The following ABCA5 variants were observed in gnomAD, a reference collection of about 807,000 sequenced individuals.
ABCA5 encodes the protein ATP binding cassette subfamily A member 5.
ABCA5 carries 163 observed loss-of-function variants against 206.0 expected under a neutral mutation model. The observed-to-expected ratio is 0.79, with a 90% CI of 0.70 to 0.90. The LOEUF is 0.90. Ranked by LOEUF, ABCA5 falls within the 40% of genes least tolerant of loss-of-function variation. The probability of loss-of-function intolerance (pLI) is 0.00; values close to 1 mark genes in which losing one functional copy is unlikely to be tolerated. For missense variants in ABCA5, 1,859 were observed against 1,912.9 expected (o/e 0.97, Z 0.53); for synonymous variants, 609 against 613.8 (o/e 0.99, Z 0.11).
intron 28 of ABCA5, among the ~76,000 whole-genome samples, chr17:69,256,622 A>G (rs2075085381): frequency 6.6e-6 from 1 of 150,906 alleles, no homozygotes. Flanking sequence ...TGCCCGGCTC[A>G]TTTTTGTATT....
Position 69,254,342 on chromosome 17 carries a change from G to T in ABCA5, c.4217C>A (p.Ala1406Glu). ...ACTTATGACTTCTTTCATGTCACTT[G>T]CACTCATTCCTTTGACAGCTCCATA... Reference protein sequence around the residue: ...EIYGAVKGMSASDMKEVISRI... With the variant: ...EIYGAVKGMSESDMKEVISRI... Residue 1406 changes from alanine to glutamate, a missense_variant, in exon 32 of 39, where the codon GCA (alanine) becomes GAA (glutamate). Coordinates refer to ENST00000392676, the MANE Select transcript of ABCA5 (RefSeq NM_172232.4). 1 of 1,612,548 alleles carries T rather than the reference G, an allele frequency of 6.2e-7. No homozygotes were observed.
chr17:69,289,395 A>C, intron 13 of ABCA5, 99 bp from the exon 14 acceptor site: 1 of 933,262 alleles, frequency 1.1e-6, no homozygotes, highest in Non-Finnish European at 1.4e-6. Context: ...AATGTGTTAG[A>C]TATTTAAGTA....
Position 69,309,490 on chromosome 17 carries a change from T to A in ABCA5, c.308-67A>T, listed in dbSNP as rs181809654. ...ATACCACAATACAGTAGATCAAGTTTACAATTATTTTGATGAATGGAATAT... is the reference window on the plus strand; with the variant it reads ...ATACCACAATACAGTAGATCAAGTTAACAATTATTTTGATGAATGGAATAT... On this transcript the variant is annotated intron_variant, in intron 3 of 38. Transcript: ENST00000392676. 95 of 1,126,882 alleles carry A rather than the reference T, an allele frequency of 8.4e-5. 1 individual carries two copies. The Middle Eastern group carries it at 9.4e-4, about 11-fold the overall frequency. The allele number at this position is 1,126,882 out of a possible 1,614,324, so 69.8% of individuals were successfully genotyped here.
rs768216806 is a variant in ABCA5, at chr17:69,274,128, C to G, written c.2595G>C (p.Val865=). 6.4e-7 allele frequency: 1 copy of G among 1,561,606 alleles called. No individual in the cohort carries two copies. The highest frequency in any genetic ancestry group is 1.2e-5 in the South Asian group (1 of 81,934). The change falls in exon 20 of 39, where the codon GTG becomes GTC. Residue 865 remains valine (V), a splice_region_variant and synonymous_variant. Transcript: ENST00000392676. ...TGAAAAAAATTAAAAGCAGAAGCAACCTGAAAAGAAAAAAAAAACAACACA... is the reference window on the plus strand; with the variant it reads ...TGAAAAAAATTAAAAGCAGAAGCAAGCTGAAAAGAAAAAAAAAACAACACA... The part of the protein sequence containing the change: ...LKRESKSVRS[V]LLLLLIFFTV...
intron 27 of ABCA5, 92 bp downstream of exon 27, chr17:69,260,246 G>A (rs1347639902): frequency 2.2e-6 from 2 of 929,232 alleles, no homozygotes; most frequent in East Asian, 2.7e-5. Context: ...TCTTTTTCAT[G>A]CAACAGGATA....
intron 11 of ABCA5, among the ~76,000 whole-genome samples, chr17:69,291,802 G>A (rs1304197743): frequency 6.6e-6 from 1 of 152,104 alleles, no homozygotes; most frequent in Non-Finnish European, 1.5e-5. Context: ...AAATGATGAA[G>A]CAGAAATGGC....
intron 18 of ABCA5, among the ~76,000 whole-genome samples, chr17:69,281,078 C>CA (rs2075387544): frequency 6.6e-6 from 1 of 150,838 alleles, no homozygotes; most frequent in African/African-American, 2.4e-5. Context: ...AAAATTCTAC[C>CA]AATTAAACCA....
chr17:69,316,414 T>C (rs374657130), intron 1 of ABCA5, among the ~76,000 whole-genome samples: 1 of 150,854 alleles, frequency 6.6e-6, no homozygotes, highest in African/African-American at 2.4e-5. Flanking sequence ...TTGAACCCAG[T>C]AGGAGGAGGT....
At chr17:69,253,985 A>G (rs2075046741) in intron 32 of ABCA5, 116 bp from the exon 33 acceptor site, 1 of 809,768 alleles carries the variant, frequency 1.2e-6, no homozygotes. Context: ...GAAGCTTATT[A>G]TAAGTAGGTA....
chr17:69,265,394 T>C (rs1387507254), intron 23 of ABCA5, among the ~76,000 whole-genome samples: 1 of 152,150 alleles, frequency 6.6e-6, no homozygotes, highest in Non-Finnish European at 1.5e-5. Context: ...GTGAAAGCTT[T>C]TGAAATGTTC....
chr17:69,312,279 G>A (rs1021592959), intron 3 of ABCA5, among the ~76,000 whole-genome samples: 6 of 152,144 alleles, frequency 3.9e-5, no homozygotes, highest in Admixed American at 1.3e-4. Flanking sequence ...ATTTCTTTGT[G>A]AGAAGTGCAC....
Position 69,287,718 on chromosome 17 carries a change from C to A in ABCA5, c.1936G>T (p.Asp646Tyr), listed in dbSNP as rs758958759. The change falls in exon 15 of 39, where the codon GAC becomes TAC. Residue 646 changes from aspartate (D) to tyrosine (Y), a missense_variant. Asp to Tyr is a radical substitution (Grantham distance 160). Transcript: ENST00000392676. Reference protein sequence around the residue: ...LLLDEPTAGMDPCSRHIVWNL... With the variant: ...LLLDEPTAGMYPCSRHIVWNL... ...CATACAATATGTCGAGAACAGGGGTCCATTCCAGCTGTTGGTTCATCTAGC... is the reference window on the plus strand; with the variant it reads ...CATACAATATGTCGAGAACAGGGGTACATTCCAGCTGTTGGTTCATCTAGC... 8 of 1,613,446 alleles carry A rather than the reference C, an allele frequency of 5.0e-6. No individual in the cohort carries two copies. Among genetic ancestry groups the A allele is most frequent in the Middle Eastern group, 1.7e-4 (1 of 6,058 alleles).
intron 37 of ABCA5, 152 bp downstream of exon 37, chr17:69,249,753 A>G: frequency 9.5e-7 from 1 of 1,055,950 alleles, no homozygotes; most frequent in Non-Finnish European, 1.3e-6. Context: ...CCCCAGTTTT[A>G]AACTTTTTAA....
chr17:69,320,238 GAAAT>G (rs1200070014), intron 1 of ABCA5, among the ~76,000 whole-genome samples: 4 of 152,006 alleles, frequency 2.6e-5, no homozygotes, highest in African/African-American at 9.7e-5. Flanking sequence ...ACTTAGAAAT[GAAAT>G]AAAAAACTGA....
At chr17:69,253,958 A>T in intron 32 of ABCA5, 89 bp from the exon 33 acceptor site, 1 of 1,091,240 alleles carries the variant, frequency 9.2e-7, no homozygotes, top group Non-Finnish European at 1.3e-6. Context: ...TGTTTTCTCT[A>T]GAATAGTTAC....
At chr17:69,271,951 G>A (rs530371265) in intron 20 of ABCA5, among the ~76,000 whole-genome samples, 134 of 151,978 alleles carry the variant, frequency 8.8e-4, no homozygotes, top group Non-Finnish European at 1.6e-3. Context: ...AAATCCTGTC[G>A]GGATTTAAAT....
chr17:69,303,393 G>A (rs545788361), intron 7 of ABCA5, among the ~76,000 whole-genome samples: 11 of 151,912 alleles, frequency 7.2e-5, no homozygotes, highest in South Asian at 6.2e-4. Context: ...CTGGGATTAC[G>A]GGTGTGAGCC....
chr17:69,287,749 T>C lies in ABCA5; in HGVS notation c.1905A>G (p.Ile635Met). 1.2e-6 allele frequency: 2 copies of C among 1,612,610 alleles called. No individual in the cohort carries two copies. The highest frequency in any genetic ancestry group is 1.7e-6 in the Non-Finnish European group (2 of 1,179,362). The change falls in exon 15 of 39, where the codon ATA (isoleucine) becomes ATG (methionine). Residue 635 changes from isoleucine to methionine, a missense_variant and splice_region_variant. Physicochemically the swap from Ile to Met is conservative, Grantham distance 10. Transcript: ENST00000392676. ...CAGCTGTTGGTTCATCTAGCAGCAG[T>C]ATCTGTGTGAAAAGAGGTGAAGAAG... Reference protein sequence around the residue: ...LGIAVLGNPKILLLDEPTAGM... With the variant: ...LGIAVLGNPKMLLLDEPTAGM...
In ABCA5 at chr17:69,254,428, A is replaced by AC; in HGVS notation, c.4130dup (p.Tyr1378LeufsTer19). 1 of 1,613,696 alleles carries AC rather than the reference A, an allele frequency of 6.2e-7. No individual in the cohort carries two copies. The highest frequency in any genetic ancestry group is 1.3e-5 in the African/African-American group (1 of 75,022). On this transcript the variant is annotated frameshift_variant, in exon 32 of 39. Transcript: ENST00000392676. LOFTEE classifies it high-confidence loss of function. ...ACAAAGGGTTTATCTGAGGACAGTA[A>AC]CCCATACACTTCAGTGAATCATCAT...
Sources: allele counts gnomAD v4.1 joint callset (sites outside exome capture counted in the v4.1 genomes callset), GRCh38; gene constraint gnomAD v4.1.1; transcripts MANE v1.5; gene names NCBI Gene and HGNC (gene_info 2026-07-23, HGNC 2026-07-21).